Variants in SPTBN1 observed in about 807,000 individuals in gnomAD.
SPTBN1 encodes the protein spectrin beta, non-erythrocytic 1.
A neutral mutation model predicts 266.4 loss-of-function variants in SPTBN1; 32 were observed. The observed-to-expected ratio is 0.12, with a 90% CI of 0.09 to 0.16. The LOEUF (loss-of-function observed/expected upper bound fraction) is 0.16. SPTBN1 is among the 10% of genes least tolerant of loss of function. The probability of loss-of-function intolerance (pLI) is 1.00; values close to 1 mark genes in which losing one functional copy is unlikely to be tolerated. For synonymous variants in SPTBN1, 1,336 were observed against 1,162.2 expected, an observed-to-expected ratio of 1.15 and a Z score of -3.04; for missense variants, 2,296 against 3,067.1, an observed-to-expected ratio of 0.75 and a Z score of 5.94.
At chr2:54,466,389 C>T (rs1322811432) in intron 1 of SPTBN1, among the ~76,000 whole-genome samples, 3 of 25,852 alleles carry the variant, frequency 1.2e-4, no homozygotes, top group African/African-American at 6.6e-4. Flanking sequence ...GGTGAAACCC[C>T]GTCTCTACTA....
At chr2:54,630,820 T>G in intron 15 of SPTBN1, 35 bp from the exon 16 acceptor site, 1 of 1,529,908 alleles carries the variant, frequency 6.5e-7, no homozygotes, top group Non-Finnish European at 8.8e-7. Context: ...CAGTCTTCCC[T>G]TTTTCACACT....
intron 16 of SPTBN1, among the ~76,000 whole-genome samples, 189 bp downstream of exon 16, chr2:54,631,800 G>A (rs1678752279): frequency 6.6e-6 from 1 of 152,196 alleles, no homozygotes; most frequent in East Asian, 1.9e-4. Context: ...GACAGGAATT[G>A]AAAGTTGCCA....
chr2:54,467,198 TCAC>T (rs1335187630), intron 1 of SPTBN1, among the ~76,000 whole-genome samples: 1 of 151,566 alleles, frequency 6.6e-6, no homozygotes, highest in East Asian at 1.9e-4. Context: ...GGAATGTTCT[TCAC>T]CAGCTGTAAA....
chr2:54,479,291 T>C (rs545181456), intron 1 of SPTBN1, among the ~76,000 whole-genome samples: 1 of 152,302 alleles, frequency 6.6e-6, no homozygotes, highest in South Asian at 2.1e-4. Flanking sequence ...CCCAAGTTGG[T>C]TTGTAACCAT....
chr2:54,607,487 G>A (rs892037813), intron 3 of SPTBN1, among the ~76,000 whole-genome samples: 1 of 152,142 alleles, frequency 6.6e-6, no homozygotes, highest in East Asian at 1.9e-4. Flanking sequence ...GCCAGGCGTG[G>A]TGACTGGTGC....
rs1208948727 is a variant in SPTBN1 at position 54,493,267 on chromosome 2, A to T, written c.-47-33105A>T. 2.0e-5 allele frequency among the ~76,000 whole-genome samples: 3 copies of T among 151,990 alleles called. No individual in the cohort carries two copies. The East Asian group carries it at 5.8e-4, about 29-fold the overall frequency. On this transcript the variant is annotated intron_variant, in intron 1 of 35. Coordinates refer to ENST00000356805, the MANE Select transcript of SPTBN1 (RefSeq NM_003128.3). ...GTAATCCTCCCACCTCAGCCTCCCA[A>T]AGTGTTGGAATTACAGGCATGAACC...
intron 1 of SPTBN1, among the ~76,000 whole-genome samples, chr2:54,497,048 TA>T: frequency 6.6e-6 from 1 of 152,212 alleles, no homozygotes; most frequent in Non-Finnish European, 1.5e-5. Flanking sequence ...CAGGAAATTG[TA>T]AATGGAGATA....
chr2:54,458,943 G>A (rs185217780), intron 1 of SPTBN1, among the ~76,000 whole-genome samples: 80 of 152,288 alleles, frequency 5.3e-4, no homozygotes, highest in African/African-American at 1.9e-3. Context: ...TACATTGTGT[G>A]GTGTATGTGC....
At chr2:54,457,853 C>A (rs879679671) in intron 1 of SPTBN1, among the ~76,000 whole-genome samples, 29 of 152,350 alleles carry the variant, frequency 1.9e-4, no homozygotes, top group South Asian at 6.2e-4. Context: ...TCCTGCACCT[C>A]TTCTTGGGCT....
intron 31 of SPTBN1, 130 bp downstream of exon 31, chr2:54,659,396 T>A: frequency 1.1e-6 from 1 of 874,966 alleles, no homozygotes; most frequent in Non-Finnish European, 1.8e-6. Context: ...TTCCATAGAC[T>A]GTTTAAAGGC....
intron 29 of SPTBN1, among the ~76,000 whole-genome samples, chr2:54,657,010 A>T (rs918327314): frequency 1.3e-5 from 2 of 152,254 alleles, no homozygotes; most frequent in Non-Finnish European, 2.9e-5. Context: ...GCAGATAGCT[A>T]GCCAGCTCCT....
Position 54,626,282 on chromosome 2 carries a change from C to A in SPTBN1, c.1644+48C>A. On this transcript the variant is annotated intron_variant, in intron 12 of 35. Coordinates refer to ENST00000356805, the MANE Select transcript of SPTBN1 (RefSeq NM_003128.3). This position sits in a 1 kb window ranked among gnomAD's most constrained non-coding sequence, Gnocchi z 4.7. ...GACGACAGAGCTGATCCAACCAGGG[C>A]TCTCTTTTCTGTGACTCATTCACTA... 1 of 1,562,438 alleles carries A rather than the reference C, an allele frequency of 6.4e-7. No homozygotes were observed.
chr2:54,604,797 G>A (rs985186214), intron 3 of SPTBN1, among the ~76,000 whole-genome samples: 1 of 152,180 alleles, frequency 6.6e-6, no homozygotes, highest in African/African-American at 2.4e-5. Context: ...AAAAACACAG[G>A]AATCCACGGA....
In SPTBN1 at chr2:54,653,692, C is replaced by T. The variant is rs1012400536; in HGVS notation, c.5661C>T (p.Asn1887=). 8.1e-6 allele frequency: 13 copies of T among 1,614,054 alleles called. No individual in the cohort carries two copies. Among genetic ancestry groups the T allele is most frequent in the East Asian group, 2.2e-5 (1 of 44,890 alleles). The part of the protein sequence containing the change: ...DKADDIQKRE[N]EVLEAWKSLL... Reference sequence around the variant, plus strand: ...CCGACGATATCCAGAAGCGCGAGAACGAGGTCCTGGAAGCCTGGAAGTCCC... The same window carrying T: ...CCGACGATATCCAGAAGCGCGAGAATGAGGTCCTGGAAGCCTGGAAGTCCC... Residue 1887 remains asparagine (N), a synonymous_variant, in exon 27 of 36, where the codon AAC becomes AAT. Coordinates refer to ENST00000356805, the MANE Select transcript of SPTBN1 (RefSeq NM_003128.3). The surrounding 1 kb of genome is among the most constrained non-coding windows in gnomAD (Gnocchi z 5.1).
chr2:54,589,313 G>A (rs954287550), intron 2 of SPTBN1, among the ~76,000 whole-genome samples: 4 of 152,176 alleles, frequency 2.6e-5, no homozygotes, highest in Non-Finnish European at 4.4e-5. Flanking sequence ...GGACCCTGGT[G>A]ACAGAGCCTC....
intron 2 of SPTBN1, among the ~76,000 whole-genome samples, chr2:54,581,054 C>T (rs10170066): frequency 0.31 from 47,584 of 151,202 alleles, 9,187 homozygotes; most frequent in African/African-American, 0.55. Context: ...GCCACGATCA[C>T]GCCACTGCAC....
chr2:54,601,179 C>T lies in SPTBN1; in HGVS notation c.300+1936C>T, dbSNP rs1012105339. 3.3e-5 allele frequency among the ~76,000 whole-genome samples: 5 copies of T among 152,274 alleles called. No homozygotes were observed. The South Asian group carries it at 8.3e-4, about 25-fold the overall frequency. ...CTCCAACCTCTTAGGCAGTCGATAT[C>T]AGTAGTTTTACAGAACTTTGTAAAG... On this transcript the variant is annotated intron_variant, in intron 3 of 35. Transcript: ENST00000356805.
chr2:54,547,139 GCTCC>G (rs1159084361), intron 2 of SPTBN1, among the ~76,000 whole-genome samples: 1 of 151,978 alleles, frequency 6.6e-6, no homozygotes, highest in Admixed American at 6.6e-5. Context: ...CCTTCCCCCA[GCTCC>G]TGGCAACCAC....
chr2:54,539,063 A>G (rs1671783788), intron 2 of SPTBN1, among the ~76,000 whole-genome samples: 1 of 151,940 alleles, frequency 6.6e-6, no homozygotes, highest in Non-Finnish European at 1.5e-5. Flanking sequence ...GCTATTCTGT[A>G]CCCCATGTTC....
Sources: gnomAD v4.1 joint callset for allele counts (sites outside exome capture counted in the v4.1 genomes callset) on GRCh38, gnomAD v4.1.1 for gene constraint, Gnocchi (gnomAD v3.1) non-coding constraint, MANE v1.5 for transcripts, NCBI Gene and HGNC (gene_info 2026-07-23, HGNC 2026-07-21) for gene names.